The following TRANK1 variants were observed in gnomAD, a reference collection of about 807,000 sequenced individuals.
The protein encoded by TRANK1 is tetratricopeptide repeat and ankyrin repeat containing 1.
In TRANK1, 198 loss-of-function variants were observed where a neutral mutation model predicts 266.0. The observed-to-expected ratio is 0.74, with a 90% confidence interval of 0.66 to 0.84. The LOEUF is 0.84. Among genes scored for constraint, TRANK1 ranks in the 40% least tolerant of loss-of-function variants. The pLI is 0.00. For synonymous variants in TRANK1, 1,396 were observed against 1,384.1 expected (o/e 1.01, Z -0.19); for missense variants, 3,326 against 3,634.6 (o/e 0.92, Z 2.18).
At chr3:36,872,686 T>C (rs1575235862) in intron 9 of TRANK1, among the ~76,000 whole-genome samples, 1 of 152,098 alleles carries the variant, frequency 6.6e-6, no homozygotes, top group East Asian at 1.9e-4. Flanking sequence ...GAAAAGGAGA[T>C]AGAGACTAGT....
chr3:36,850,622 T>G (rs2078972874), intron 15 of TRANK1: 4 of 796,462 alleles, frequency 5.0e-6, no homozygotes, highest in Non-Finnish European at 6.1e-6. Context: ...AAAAATAAAT[T>G]TTAAAAAATA....
intron 20 of TRANK1, among the ~76,000 whole-genome samples, chr3:36,836,057 C>G (rs1457207192): frequency 6.6e-6 from 1 of 152,098 alleles, no homozygotes; most frequent in Admixed American, 6.6e-5. Flanking sequence ...CAAATTAAAG[C>G]CACAGTGAAA....
At position 36,903,269 on chromosome 3, in the gene TRANK1, G is replaced by T; in HGVS notation, c.162C>A (p.Pro54=). 1 of 1,537,194 alleles carries T rather than the reference G, an allele frequency of 6.5e-7. No individual in the cohort carries two copies. Residue 54 remains proline (P), a synonymous_variant, in exon 3 of 24, where the codon CCC becomes CCA. Transcript: ENST00000645898. ...ACAGCAGCACAGCCAAGTCCCTCGG[G>T]GGAACCCTGTAAGAACAAACCGGTG... The part of the protein sequence containing the change: ...ILLQLYQWGV[P]PRDLAVLLCN...
At chr3:36,841,980 C>T (rs1036580896) in intron 18 of TRANK1, among the ~76,000 whole-genome samples, 1 of 152,044 alleles carries the variant, frequency 6.6e-6, no homozygotes, top group African/African-American at 2.4e-5. Context: ...AAGGGAGACA[C>T]ACATCCCAGC....
chr3:36,830,829 C>T (rs927852087), intron 22 of TRANK1, 44 bp downstream of exon 22: 2 of 1,529,472 alleles, frequency 1.3e-6, no homozygotes, highest in African/African-American at 1.4e-5. Context: ...TCCTCAGAGC[C>T]CAGGTCTCAC....
At chr3:36,885,498 G>T (rs993360035) in intron 8 of TRANK1, among the ~76,000 whole-genome samples, 1 of 152,166 alleles carries the variant, frequency 6.6e-6, no homozygotes, top group Admixed American at 6.5e-5. Flanking sequence ...GAACAGAAAA[G>T]GTACGTTAGT....
chr3:36,925,498 A>C (rs970151800), intron 1 of TRANK1, among the ~76,000 whole-genome samples: 2 of 143,438 alleles, frequency 1.4e-5, no homozygotes, highest in African/African-American at 5.2e-5. Context: ...AAGTTAAAGA[A>C]AAAAAGGTAA....
intron 1 of TRANK1, among the ~76,000 whole-genome samples, chr3:36,932,317 T>C (rs960418307): frequency 6.6e-6 from 1 of 152,182 alleles, no homozygotes; most frequent in Non-Finnish European, 1.5e-5. Flanking sequence ...ACGCCTGTAA[T>C]CCCAGCACTT....
chr3:36,871,968 G>C (rs2079316136), intron 9 of TRANK1, among the ~76,000 whole-genome samples: 1 of 152,196 alleles, frequency 6.6e-6, no homozygotes, highest in African/African-American at 2.4e-5. Flanking sequence ...TGTTTCTAGG[G>C]AAGCACATTT....
At position 36,907,533 on chromosome 3, in the gene TRANK1, C is replaced by T. The variant is rs551343459; in HGVS notation, c.155+790G>A. On this transcript the variant is annotated intron_variant, in intron 2 of 23. Transcript: ENST00000645898. ...AGGATGGAGTGCAGTGGCGTAATCTCGGCTCACTGCAAGCTCCACCTCCCG... is the reference window on the plus strand; with the variant it reads ...AGGATGGAGTGCAGTGGCGTAATCTTGGCTCACTGCAAGCTCCACCTCCCG... Among the ~76,000 whole-genome samples, 36 of 144,282 alleles carry T rather than the reference C, an allele frequency of 2.5e-4. No individual in the cohort carries two copies. The East Asian group carries it at 6.4e-3, about 26-fold the overall frequency. 94.7% of individuals were successfully genotyped at this position (144,282 alleles called of 152,430 possible).
chr3:36,882,756 G>T (rs1388235948), intron 8 of TRANK1, among the ~76,000 whole-genome samples: 1 of 152,156 alleles, frequency 6.6e-6, no homozygotes, highest in African/African-American at 2.4e-5. Flanking sequence ...AAGAGCTAAT[G>T]AGCGAAGAAT....
At chr3:36,934,486 G>A (rs543195742) in intron 1 of TRANK1, among the ~76,000 whole-genome samples, 24 of 152,178 alleles carry the variant, frequency 1.6e-4, no homozygotes, top group African/African-American at 5.3e-4. Flanking sequence ...TAAAAACGAG[G>A]GAAGCAAGGA....
Position 36,857,515 on chromosome 3 carries a change from A to T in TRANK1, c.2207T>A (p.Ile736Asn), listed in dbSNP as rs776248729. ...TTCAACCTGCTGAATCAAAACTGTG[A>T]TGTCCTGCATAAGGCAGTCTCTCAG... ...CSLRDCLMQD[I>N]TVLIQQVEVD... Residue 736 changes from isoleucine (I) to asparagine (N), a missense_variant, in exon 13 of 24, where the codon ATC (isoleucine) becomes AAC (asparagine). Ile to Asn is a moderately radical substitution (Grantham distance 149). Coordinates refer to ENST00000645898, the MANE Select transcript of TRANK1 (RefSeq NM_001329998.2). The surrounding 1 kb of genome is among the most constrained non-coding windows in gnomAD (Gnocchi z 4.3). 14 of 1,613,988 alleles carry T rather than the reference A, an allele frequency of 8.7e-6. No homozygotes were observed. The highest frequency in any genetic ancestry group is 1.1e-5 in the Non-Finnish European group (13 of 1,179,868).
intron 17 of TRANK1, among the ~76,000 whole-genome samples, chr3:36,844,919 G>A (rs112669387): frequency 1.1e-4 from 16 of 152,152 alleles, no homozygotes; most frequent in Admixed American, 5.9e-4. Flanking sequence ...TTGAGGAGAC[G>A]ACTTGACAAC....
intron 1 of TRANK1, among the ~76,000 whole-genome samples, chr3:36,940,129 C>A (rs1261063369): frequency 2.0e-5 from 3 of 151,702 alleles, no homozygotes; most frequent in South Asian, 4.2e-4. Flanking sequence ...AGGTGATCTA[C>A]CCGCCTCAGC....
chr3:36,845,718 A>G (rs894071171), intron 17 of TRANK1, among the ~76,000 whole-genome samples: 2 of 152,102 alleles, frequency 1.3e-5, no homozygotes, highest in Non-Finnish European at 2.9e-5. Context: ...TTTCTCTTTA[A>G]TGGTTGCATA....
chr3:36,858,459 A>G (rs2079089857), intron 12 of TRANK1, among the ~76,000 whole-genome samples: 1 of 152,164 alleles, frequency 6.6e-6, no homozygotes, highest in African/African-American at 2.4e-5. Flanking sequence ...AAATAAATGG[A>G]AAGTATTTTT....
intron 1 of TRANK1, among the ~76,000 whole-genome samples, chr3:36,930,257 A>ACGTGGGTC (rs1421795063): frequency 6.6e-6 from 1 of 152,188 alleles, no homozygotes; most frequent in East Asian, 1.9e-4. Flanking sequence ...GTGATGAGGA[A>ACGTGGGTC]CGTGGGTCAC....
intron 19 of TRANK1, 45 bp downstream of exon 19, chr3:36,838,568 G>A: frequency 6.2e-7 from 1 of 1,613,858 alleles, no homozygotes; most frequent in South Asian, 1.1e-5. Context: ...TATTTAACCT[G>A]CTACTCCCAT....
Sources: gnomAD v4.1 joint callset for allele counts (sites outside exome capture counted in the v4.1 genomes callset) on GRCh38, gnomAD v4.1.1 for gene constraint, Gnocchi (gnomAD v3.1) non-coding constraint, MANE v1.5 for transcripts, NCBI Gene and HGNC (gene_info 2026-07-23, HGNC 2026-07-21) for gene names.